AK4: variants seen among roughly 807,000 people sequenced by gnomAD.
AK4 encodes adenylate kinase 4, mitochondrial.
In AK4, 13 loss-of-function variants were observed where a neutral mutation model predicts 24.6. That is an observed-to-expected ratio of 0.53 (90% CI 0.34 to 0.84). AK4 has a LOEUF of 0.84. AK4 is among the 40% of genes least tolerant of loss of function. The probability of loss-of-function intolerance (pLI) is 0.01; values close to 1 mark genes in which losing one functional copy is unlikely to be tolerated. For synonymous variants in AK4, 88 were observed against 107.0 expected (o/e 0.82, Z 1.10); for missense variants, 192 against 288.2 (o/e 0.67, Z 2.42).
Position 65,164,870 on chromosome 1 carries a change from T to G in AK4, c.145+16318T>G, listed in dbSNP as rs1650280140. ...ACATGGGACTGACATCTGACTCACA[T>G]TTTGAATAGATCACTCAGGCTATTT... On this transcript the variant is annotated intron_variant, in intron 1 of 4. Transcript: ENST00000327299. Among the ~76,000 whole-genome samples, 4 of 152,208 alleles carry G rather than the reference T, an allele frequency of 2.6e-5. No homozygotes were observed. The South Asian group carries it at 8.3e-4, about 31-fold the overall frequency.
At chr1:65,148,190 T>C, upstream of AK4, 1 of 983,126 alleles carries the variant, frequency 1.0e-6, no homozygotes, top group Middle Eastern at 3.4e-4. Flanking sequence ...CGGGGAGGTG[T>C]AGCGTGGCGC....
intron 2 of AK4, among the ~76,000 whole-genome samples, chr1:65,200,294 T>C (rs1221889841): frequency 1.3e-5 from 2 of 152,194 alleles, no homozygotes; most frequent in East Asian, 1.9e-4. Context: ...TTTGTATTTT[T>C]AGTAGAGACG....
At chr1:65,213,149 G>C (rs893638696) in intron 2 of AK4, among the ~76,000 whole-genome samples, 34 of 152,202 alleles carry the variant, frequency 2.2e-4, no homozygotes, top group African/African-American at 8.2e-4. Flanking sequence ...TTCCTTGGAA[G>C]TTATACCATG....
At chr1:65,225,615 C>T (rs924626325) in intron 4 of AK4, among the ~76,000 whole-genome samples, 2 of 152,190 alleles carry the variant, frequency 1.3e-5, no homozygotes, top group African/African-American at 4.8e-5. Context: ...TACTCTGTTA[C>T]AATCACTTTC....
At chr1:65,179,406 G>GT (rs1412411673) in intron 1 of AK4, among the ~76,000 whole-genome samples, 2 of 152,202 alleles carry the variant, frequency 1.3e-5, no homozygotes, top group Non-Finnish European at 2.9e-5. Context: ...AGTCTGGGCT[G>GT]TATGACTTAT....
At chr1:65,189,670 CA>C in intron 1 of AK4, among the ~76,000 whole-genome samples, 1 of 139,174 alleles carries the variant, frequency 7.2e-6, no homozygotes, top group Non-Finnish European at 1.5e-5. Context: ...CACACACACA[CA>C]CACACACCCC....
At chr1:65,162,912 CTGG>C (rs1650215241) in intron 1 of AK4, among the ~76,000 whole-genome samples, 1 of 152,132 alleles carries the variant, frequency 6.6e-6, no homozygotes, top group African/African-American at 2.4e-5. Context: ...CTTTTTGTGT[CTGG>C]CTGCTTAGCA....
At chr1:65,214,670 A>G (rs1405288703) in intron 2 of AK4, among the ~76,000 whole-genome samples, 5 of 152,194 alleles carry the variant, frequency 3.3e-5, no homozygotes, top group Non-Finnish European at 7.4e-5. Flanking sequence ...CACTTTTGAA[A>G]TAGTGAGTGG....
intron 1 of AK4, among the ~76,000 whole-genome samples, chr1:65,153,624 A>G (rs1649874048): frequency 1.3e-5 from 2 of 152,148 alleles, no homozygotes; most frequent in Non-Finnish European, 2.9e-5. Flanking sequence ...CTTGTACAAA[A>G]TTTAGAAAAT....
chr1:65,152,093 G>GAA (rs1649789458), intron 1 of AK4, among the ~76,000 whole-genome samples: 1 of 151,912 alleles, frequency 6.6e-6, no homozygotes, highest in Admixed American at 6.6e-5. Flanking sequence ...TACAAACTCT[G>GAA]AACAAATTCT....
intron 2 of AK4, among the ~76,000 whole-genome samples, chr1:65,195,581 C>T (rs948432460): frequency 1.3e-5 from 2 of 152,156 alleles, no homozygotes; most frequent in South Asian, 2.1e-4. Flanking sequence ...AGCATGGACC[C>T]GGGTGCTGCC....
chr1:65,216,371 G>T (rs998291772), intron 2 of AK4, among the ~76,000 whole-genome samples: 8 of 152,018 alleles, frequency 5.3e-5, no homozygotes, highest in African/African-American at 1.7e-4. Context: ...TGATCCACCG[G>T]CCTGGGCTTC....
At chr1:65,161,604 T>G (rs1488393571) in intron 1 of AK4, among the ~76,000 whole-genome samples, 1 of 152,232 alleles carries the variant, frequency 6.6e-6, no homozygotes, top group East Asian at 1.9e-4. Context: ...TAAAATTCTC[T>G]CATACCCATT....
chr1:65,150,942 C>T (rs553582767), intron 1 of AK4, among the ~76,000 whole-genome samples: 1 of 152,232 alleles, frequency 6.6e-6, no homozygotes, highest in South Asian at 2.1e-4. Context: ...CAGAATTCAT[C>T]TCTTTCCTCT....
chr1:65,205,067 AT>A (rs1301677646), intron 2 of AK4, among the ~76,000 whole-genome samples: 1 of 152,034 alleles, frequency 6.6e-6, no homozygotes. Context: ...TTTGCTGGAT[AT>A]TTTTTTCGTC....
intron 3 of AK4, among the ~76,000 whole-genome samples, chr1:65,219,586 T>C (rs947477608): frequency 1.3e-5 from 2 of 152,330 alleles, no homozygotes; most frequent in African/African-American, 4.8e-5. Context: ...GAATTAGCAC[T>C]ACTTAAAAAT....
chr1:65,224,010 A>AAAGG (rs971533806), intron 3 of AK4, among the ~76,000 whole-genome samples: 3 of 149,910 alleles, frequency 2.0e-5, no homozygotes, highest in Non-Finnish European at 3.0e-5. Flanking sequence ...ATAAATAAAT[A>AAAGG]AAATAAAACC....
Position 65,176,692 on chromosome 1 carries a change from A to G in AK4, c.146-14018A>G, listed in dbSNP as rs12127074. Among the ~76,000 whole-genome samples the G allele has an allele frequency of 6.2e-3, 946 of 152,240 alleles. 9 individuals are homozygous for G. Among genetic ancestry groups the G allele is most frequent in the Admixed American group, 0.012 (190 of 15,296 alleles). ...GCCACCACAGAGATAGCAGAGGTCG[A>G]ACGGTCTACCTCTCTCTTGCAGATG... On this transcript the variant is annotated intron_variant, in intron 1 of 4. Coordinates refer to ENST00000327299, the MANE Select transcript of AK4 (RefSeq NM_013410.4).
intron 2 of AK4, among the ~76,000 whole-genome samples, chr1:65,208,846 C>T (rs1044202689): frequency 4.6e-5 from 7 of 152,240 alleles, no homozygotes; most frequent in Non-Finnish European, 1.0e-4. Flanking sequence ...CTTGTTGCCG[C>T]AGCACCTCCT....
Sources: allele counts gnomAD v4.1 joint callset (sites outside exome capture counted in the v4.1 genomes callset), GRCh38; gene constraint gnomAD v4.1.1; transcripts MANE v1.5; gene names NCBI Gene and HGNC (gene_info 2026-07-23, HGNC 2026-07-21).